Variants in ARHGAP15 observed in about 807,000 individuals in gnomAD.
ARHGAP15 encodes the protein rho GTPase-activating protein 15.
A neutral mutation model predicts 63.7 loss-of-function variants in ARHGAP15; 51 were observed. That is an observed-to-expected ratio of 0.80 (90% CI 0.64 to 1.01). The LOEUF (loss-of-function observed/expected upper bound fraction) is 1.01. Among genes scored for constraint, ARHGAP15 ranks in the 50% least tolerant of loss-of-function variants. The pLI, the probability that ARHGAP15 is intolerant of heterozygous loss-of-function variation, is 0.00. For synonymous variants in ARHGAP15, 191 were observed against 193.8 expected (o/e 0.99, Z 0.12); for missense variants, 560 against 564.6 (o/e 0.99, Z 0.08).
At position 143,379,653 on chromosome 2, in the gene ARHGAP15, G is replaced by A. The variant is rs536097188; in HGVS notation, c.475-55948G>A. Among the ~76,000 whole-genome samples, 8 of 151,790 alleles carry A rather than the reference G, an allele frequency of 5.3e-5. No homozygotes were observed. The South Asian group carries it at 6.2e-4, about 12-fold the overall frequency. On this transcript the variant is annotated intron_variant, in intron 6 of 13. Transcript: ENST00000295095. ...CATTGTTTTTGTCTTCTACAAAGAT[G>A]TATTGTCAACTATAGAGAAAAGTGA...
chr2:143,620,998 G>A (rs192970111), intron 11 of ARHGAP15, among the ~76,000 whole-genome samples: 2 of 152,186 alleles, frequency 1.3e-5, no homozygotes, highest in East Asian at 1.9e-4. Context: ...GGTAGACTTC[G>A]TAAATCTTTG....
rs895449553 is a variant in ARHGAP15, at chr2:143,186,427, C to T, written c.166-15707C>T. On this transcript the variant is annotated intron_variant, in intron 2 of 13. Coordinates refer to ENST00000295095, the MANE Select transcript of ARHGAP15 (RefSeq NM_018460.4). ...TATTACAAAATTCGTTTATATTAAA[C>T]ATGTCCTTTTTGCATGTGACCAAAA... Among the ~76,000 whole-genome samples, 7 of 152,100 alleles carry T rather than the reference C, an allele frequency of 4.6e-5. 1 individual carries two copies. Among genetic ancestry groups the T allele is most frequent in the South Asian group, 4.2e-4 (2 of 4,818 alleles).
chr2:143,416,755 ACTGT>A (rs1380441678), intron 6 of ARHGAP15, among the ~76,000 whole-genome samples: 2 of 151,644 alleles, frequency 1.3e-5, no homozygotes, highest in African/African-American at 4.8e-5. Context: ...CCATTTACAG[ACTGT>A]CTTAGTCCTA....
chr2:143,176,979 T>A (rs905950894), intron 2 of ARHGAP15, among the ~76,000 whole-genome samples: 1 of 152,214 alleles, frequency 6.6e-6, no homozygotes, highest in Non-Finnish European at 1.5e-5. Flanking sequence ...CAGGAGCCAG[T>A]GTTCCAAGAG....
At chr2:143,695,267 G>T (rs1683791631) in intron 12 of ARHGAP15, among the ~76,000 whole-genome samples, 1 of 152,156 alleles carries the variant, frequency 6.6e-6, no homozygotes, top group East Asian at 1.9e-4. Flanking sequence ...TATTTTCTCA[G>T]CACAGACTAT....
rs202120195 is a variant in ARHGAP15 at position 143,276,832 on chromosome 2, C to T, written c.474+26232C>T. The stretch of plus-strand genomic sequence containing the variant: ...CAAAACAAAAAAACTTTAGTGCCTA[C>T]CATAGTTTCTTGCATGGTGATGCTT... On this transcript the variant is annotated intron_variant, in intron 6 of 13. Coordinates refer to ENST00000295095, the MANE Select transcript of ARHGAP15 (RefSeq NM_018460.4). Among the ~76,000 whole-genome samples, 25 of 152,238 alleles carry T rather than the reference C, an allele frequency of 1.6e-4. No homozygotes were observed. The East Asian group carries it at 4.6e-3, about 28-fold the overall frequency.
intron 9 of ARHGAP15, among the ~76,000 whole-genome samples, chr2:143,500,082 C>CTTTATGTA (rs1692985308): frequency 6.6e-6 from 1 of 151,776 alleles, no homozygotes; most frequent in East Asian, 1.9e-4. Context: ...AAAGAAATAT[C>CTTTATGTA]TGTTTATAAT....
intron 12 of ARHGAP15, among the ~76,000 whole-genome samples, chr2:143,655,566 G>A (rs1681393049): frequency 6.6e-6 from 1 of 152,148 alleles, no homozygotes; most frequent in African/African-American, 2.4e-5. Context: ...TTAAATGTTA[G>A]TTTTCCTTTC....
intron 6 of ARHGAP15, among the ~76,000 whole-genome samples, chr2:143,420,494 T>C: frequency 6.6e-6 from 1 of 152,190 alleles, no homozygotes; most frequent in Non-Finnish European, 1.5e-5. Flanking sequence ...ACTCCTCACA[T>C]AGCATAAGTC....
intron 9 of ARHGAP15, among the ~76,000 whole-genome samples, chr2:143,505,613 C>A (rs1225506289): frequency 1.3e-5 from 2 of 152,186 alleles, no homozygotes; most frequent in African/African-American, 4.8e-5. Flanking sequence ...GAATAACTAG[C>A]AGACCACAGT....
intron 9 of ARHGAP15, among the ~76,000 whole-genome samples, chr2:143,517,870 T>C (rs1247758234): frequency 6.6e-6 from 1 of 152,062 alleles, no homozygotes; most frequent in African/African-American, 2.4e-5. Context: ...TTGGCAGCCA[T>C]GAGAAACAGC....
At chr2:143,649,715 C>A (rs1054059500) in intron 12 of ARHGAP15, among the ~76,000 whole-genome samples, 4 of 151,876 alleles carry the variant, frequency 2.6e-5, no homozygotes, top group African/African-American at 9.7e-5. Flanking sequence ...AGGTATCGAA[C>A]AAATGTGTGC....
chr2:143,620,780 T>C (rs145023446), intron 11 of ARHGAP15, among the ~76,000 whole-genome samples: 192 of 152,352 alleles, frequency 1.3e-3, no homozygotes, highest in Non-Finnish European at 2.5e-3. Flanking sequence ...AGATAATGAA[T>C]GTAGAGTGCA....
At chr2:143,751,315 C>T (rs181155793) in intron 13 of ARHGAP15, among the ~76,000 whole-genome samples, 2 of 152,278 alleles carry the variant, frequency 1.3e-5, no homozygotes, top group Admixed American at 1.3e-4. Flanking sequence ...GGTGAGGTGG[C>T]TCTCTTCAGC....
chr2:143,454,433 C>G (rs1264093538), intron 8 of ARHGAP15, among the ~76,000 whole-genome samples: 1 of 152,048 alleles, frequency 6.6e-6, no homozygotes, highest in Non-Finnish European at 1.5e-5. Context: ...TGGGCAATCA[C>G]TGTATATTTA....
At chr2:143,342,010 TTA>T (rs1685079667) in intron 6 of ARHGAP15, among the ~76,000 whole-genome samples, 1 of 152,172 alleles carries the variant, frequency 6.6e-6, no homozygotes, top group African/African-American at 2.4e-5. Flanking sequence ...TGTATTTAGC[TTA>T]TCCAATATTC....
Position 143,485,474 on chromosome 2 carries a change from A to G in ARHGAP15, c.704-1899A>G, listed in dbSNP as rs117864486. Among the ~76,000 whole-genome samples the G allele has an allele frequency of 1.9e-4, 29 of 152,276 alleles. No homozygotes were observed. The East Asian group carries it at 4.4e-3, about 23-fold the overall frequency. On this transcript the variant is annotated intron_variant, in intron 8 of 13. Transcript: ENST00000295095. Reference sequence around the variant, plus strand: ...ATATGCTATAGATATATAGACATTTATTTTTCTTTTCAGAGTTCTTTTACA... The same window carrying G: ...ATATGCTATAGATATATAGACATTTGTTTTTCTTTTCAGAGTTCTTTTACA...
intron 12 of ARHGAP15, among the ~76,000 whole-genome samples, chr2:143,626,387 G>C (rs12105590): frequency 0.2 from 30,952 of 152,042 alleles, 3,289 homozygotes; most frequent in South Asian, 0.31. Flanking sequence ...GTGTCAGGAC[G>C]TGGTTCCTGC....
At chr2:143,422,913 G>T (rs1179703889) in intron 6 of ARHGAP15, among the ~76,000 whole-genome samples, 1 of 152,078 alleles carries the variant, frequency 6.6e-6, no homozygotes, top group Non-Finnish European at 1.5e-5. Flanking sequence ...CTTTGGCAAA[G>T]ACAGGATATC....
Sources: allele counts gnomAD v4.1 joint callset (sites outside exome capture counted in the v4.1 genomes callset), GRCh38; gene constraint gnomAD v4.1.1; transcripts MANE v1.5; gene names NCBI Gene and HGNC (gene_info 2026-07-23, HGNC 2026-07-21).